Variants in SGCZ observed in about 807,000 individuals in gnomAD.
The protein encoded by SGCZ is sarcoglycan zeta.
SGCZ carries 40 observed loss-of-function variants against 41.3 expected under a neutral mutation model. The ratio of observed to expected loss-of-function variants is 0.97; its 90% CI spans 0.75 to 1.26. The LOEUF (loss-of-function observed/expected upper bound fraction) is 1.26, where lower values mean the gene tolerates loss of function less well. Among genes scored for constraint, SGCZ ranks in the 50% most tolerant of loss-of-function variants. The pLI is 0.00. For missense variants in SGCZ, 552 were observed against 369.8 expected, an observed-to-expected ratio of 1.49 and a Z score of -4.04; for synonymous variants, 206 against 137.5, an observed-to-expected ratio of 1.50 and a Z score of -3.49.
chr8:14,213,124 G>C (rs1361060588), intron 4 of SGCZ, among the ~76,000 whole-genome samples: 1 of 152,078 alleles, frequency 6.6e-6, no homozygotes, highest in Non-Finnish European at 1.5e-5. Context: ...AGAGGAGTAA[G>C]AAGGAGGGGA....
intron 1 of SGCZ, among the ~76,000 whole-genome samples, chr8:14,610,131 G>C (rs1239883736): frequency 1.3e-5 from 2 of 152,196 alleles, no homozygotes; most frequent in African/African-American, 4.8e-5. Context: ...CTACTTTGCA[G>C]AGACCAGTCT....
At chr8:14,447,615 C>G (rs73517483) in intron 2 of SGCZ, among the ~76,000 whole-genome samples, 2,924 of 152,180 alleles carry the variant, frequency 0.019, 111 homozygotes, top group African/African-American at 0.067. Context: ...TCCCCATAAC[C>G]TAAACACATA....
At chr8:14,319,621 A>C (rs1300241753) in intron 3 of SGCZ, 1 of 152,110 alleles carries the variant, frequency 6.6e-6, no homozygotes, top group Non-Finnish European at 1.5e-5. Context: ...GAAAATCCAT[A>C]ATATAAAGAA....
intron 3 of SGCZ, among the ~76,000 whole-genome samples, chr8:14,271,975 T>G (rs147101266): frequency 2.0e-5 from 3 of 152,268 alleles, no homozygotes; most frequent in Admixed American, 6.5e-5. Context: ...TTTTCATATA[T>G]TGCATGCTTT....
intron 3 of SGCZ, among the ~76,000 whole-genome samples, chr8:14,304,032 G>T (rs181805292): frequency 6.6e-6 from 1 of 152,028 alleles, no homozygotes; most frequent in African/African-American, 2.4e-5. Context: ...GATTGCAGGC[G>T]TGAGCCACTG....
chr8:14,962,125 C>T (rs1219134910), intron 1 of SGCZ, among the ~76,000 whole-genome samples: 3 of 152,080 alleles, frequency 2.0e-5, no homozygotes, highest in Non-Finnish European at 4.4e-5. Flanking sequence ...CTTTGCTGAC[C>T]TCAACATCAA....
At chr8:14,905,348 C>T (rs1338431016) in intron 1 of SGCZ, among the ~76,000 whole-genome samples, 1 of 151,882 alleles carries the variant, frequency 6.6e-6, no homozygotes, top group Non-Finnish European at 1.5e-5. Context: ...CTCATTAATA[C>T]TCCAATAAAT....
intron 1 of SGCZ, among the ~76,000 whole-genome samples, chr8:15,002,559 A>C (rs2130912778): frequency 6.6e-6 from 1 of 152,270 alleles, no homozygotes; most frequent in Middle Eastern, 3.4e-3. Flanking sequence ...AGGTAGCACG[A>C]AACACAATAA....
At chr8:15,118,331 C>T (rs889356463) in intron 1 of SGCZ, among the ~76,000 whole-genome samples, 2 of 152,230 alleles carry the variant, frequency 1.3e-5, no homozygotes, top group Admixed American at 6.5e-5. Context: ...AGTCTTGGAA[C>T]TTCCAGCTAG....
intron 1 of SGCZ, among the ~76,000 whole-genome samples, chr8:14,655,625 T>G (rs1184192651): frequency 1.3e-5 from 2 of 152,110 alleles, no homozygotes; most frequent in Non-Finnish European, 2.9e-5. Context: ...CTTTAATTCT[T>G]TACCCAATTT....
chr8:14,139,547 A>T (rs1017310895), intron 5 of SGCZ, among the ~76,000 whole-genome samples: 1 of 152,212 alleles, frequency 6.6e-6, no homozygotes. Context: ...ACCATCAAAG[A>T]ATACTATAAA....
intron 1 of SGCZ, among the ~76,000 whole-genome samples, chr8:14,734,141 A>G (rs979022877): frequency 6.6e-6 from 1 of 152,206 alleles, no homozygotes; most frequent in African/African-American, 2.4e-5. Flanking sequence ...GGGCTCTGAC[A>G]TATATTTAGG....
chr8:14,153,456 C>T (rs931673466), intron 5 of SGCZ, among the ~76,000 whole-genome samples: 7 of 152,006 alleles, frequency 4.6e-5, no homozygotes, highest in South Asian at 2.1e-4. Flanking sequence ...ATTGGGAGTG[C>T]GATTCTATTG....
rs113147182 is a variant in SGCZ, at chr8:14,325,980, C to T, written c.235-1776G>A. 2.0e-3 allele frequency among the ~76,000 whole-genome samples: 296 copies of T among 148,758 alleles called. 2 individuals carry two copies. The highest frequency in any genetic ancestry group is 6.8e-3 in the African/African-American group (277 of 40,810). ...ACAAAAAATTAGCCGGGCTTGGTGG[C>T]GGGCGCCTGTAGTCCCAGGTACTCG... On this transcript the variant is annotated intron_variant, in intron 2 of 7. Transcript: ENST00000382080.
intron 1 of SGCZ, among the ~76,000 whole-genome samples, chr8:14,611,248 C>T (rs1805918759): frequency 6.6e-6 from 1 of 151,930 alleles, no homozygotes; most frequent in Non-Finnish European, 1.5e-5. Flanking sequence ...ATATTTAATC[C>T]ATTAATATGC....
At position 14,948,485 on chromosome 8, in the gene SGCZ, AGAG is replaced by A. The variant is rs1376401780; in HGVS notation, c.39+289097_39+289099del. ...GTCTTATCTTATGAGAGAGAGAGAG[AGAG>A]AGAGGTCTCCGCTAGATCAAACTAT... On this transcript the variant is annotated intron_variant, in intron 1 of 7. Coordinates refer to ENST00000382080, the MANE Select transcript of SGCZ (RefSeq NM_139167.4). Among the ~76,000 whole-genome samples, 731 of 152,192 alleles carry A rather than the reference AGAG, an allele frequency of 4.8e-3. 12 individuals are homozygous for A. The highest frequency in any genetic ancestry group is 0.017 in the African/African-American group (707 of 41,566).
At chr8:14,803,441 C>T (rs1020775215) in intron 1 of SGCZ, among the ~76,000 whole-genome samples, 4 of 152,138 alleles carry the variant, frequency 2.6e-5, no homozygotes, top group African/African-American at 9.6e-5. Context: ...AGGGAGTTCC[C>T]TTTCCTAGTC....
chr8:14,606,223 T>C (rs183033167), intron 1 of SGCZ, among the ~76,000 whole-genome samples: 86 of 152,296 alleles, frequency 5.6e-4, no homozygotes, highest in African/African-American at 1.9e-3. Context: ...CCATTCCTTA[T>C]CTTACAGATA....
rs556313975 is a variant in SGCZ at position 15,001,501 on chromosome 8, G to A, written c.39+236084C>T. Among the ~76,000 whole-genome samples, 21 of 152,202 alleles carry A rather than the reference G, an allele frequency of 1.4e-4. No homozygotes were observed. In the East Asian group the frequency reaches 1.6e-3, roughly 11 times the overall value. On this transcript the variant is annotated intron_variant, in intron 1 of 7. Transcript: ENST00000382080. ...TCCCAGCACTTTGGGAGGCCAAGGCGGGCGGATCACGAGGTCAGGAGATCG... is the reference window on the plus strand; with the variant it reads ...TCCCAGCACTTTGGGAGGCCAAGGCAGGCGGATCACGAGGTCAGGAGATCG...
Sources: allele counts gnomAD v4.1 joint callset (sites outside exome capture counted in the v4.1 genomes callset), GRCh38; gene constraint gnomAD v4.1.1; transcripts MANE v1.5; gene names NCBI Gene and HGNC (gene_info 2026-07-23, HGNC 2026-07-21).